DSN1: variants seen among roughly 807,000 people sequenced by gnomAD.
The protein encoded by DSN1 is kinetochore-associated protein DSN1 homolog.
Under a neutral mutation model 45.7 loss-of-function variants are expected in DSN1, and 31 were observed. The observed-to-expected ratio is 0.68, with a 90% confidence interval of 0.51 to 0.92. The LOEUF (loss-of-function observed/expected upper bound fraction) is 0.92. Among genes scored for constraint, DSN1 ranks in the 40% least tolerant of loss-of-function variants. The probability of loss-of-function intolerance (pLI) is 0.00; values close to 1 mark genes in which losing one functional copy is unlikely to be tolerated. For synonymous variants in DSN1, 134 were observed against 142.3 expected, an observed-to-expected ratio of 0.94 and a Z score of 0.41; for missense variants, 394 against 414.2, an observed-to-expected ratio of 0.95 and a Z score of 0.42.
At chr20:36,763,181 A>G (rs1026700885) in intron 5 of DSN1, among the ~76,000 whole-genome samples, 160 of 152,264 alleles carry the variant, frequency 1.1e-3, no homozygotes, top group East Asian at 4.1e-3. Flanking sequence ...AGGCAGGCAT[A>G]TCACTTGAGG....
At chr20:36,757,556 G>C (rs1986742451) in intron 8 of DSN1, among the ~76,000 whole-genome samples, 1 of 152,024 alleles carries the variant, frequency 6.6e-6, no homozygotes, top group African/African-American at 2.4e-5. Context: ...TGGCAACAGA[G>C]CGAGAGTCTG....
intron 10 of DSN1, 113 bp from the exon 11 acceptor site, chr20:36,753,010 AAG>A (rs1484700505): frequency 1.5e-5 from 12 of 824,716 alleles, no homozygotes; most frequent in African/African-American, 8.4e-5. Flanking sequence ...AAAGACAAAT[AAG>A]AGAGTCTCTG....
intron 6 of DSN1, among the ~76,000 whole-genome samples, chr20:36,761,423 A>G (rs1004950961): frequency 6.6e-6 from 1 of 152,166 alleles, no homozygotes; most frequent in African/African-American, 2.4e-5. Flanking sequence ...CCAGCATCTA[A>G]AAGAGCCTGG....
At position 36,764,320 on chromosome 20, in the gene DSN1, G is replaced by C. The variant is rs188106385; in HGVS notation, c.503-1772C>G. On this transcript the variant is annotated intron_variant, in intron 5 of 10. Transcript: ENST00000373750. ...CAGGTGAAGAACACTAAGGGGAAAG[G>C]CTATGTTAATTAGTTATCAGGATAA... Among the ~76,000 whole-genome samples, 540 of 152,226 alleles carry C rather than the reference G, an allele frequency of 3.5e-3. 5 individuals carry two copies. Among genetic ancestry groups the C allele is most frequent in the Non-Finnish European group, 3.2e-3 (220 of 68,006 alleles).
Position 36,754,829 on chromosome 20 carries a change from C to T in DSN1, c.895G>A (p.Val299Met), listed in dbSNP as rs756263224. 1 of 1,613,782 alleles carries T rather than the reference C, an allele frequency of 6.2e-7. No homozygotes were observed. Among genetic ancestry groups the T allele is most frequent in the Non-Finnish European group, 8.5e-7 (1 of 1,179,856 alleles). Residue 299 changes from valine to methionine, a missense_variant, in exon 10 of 11, where the codon GTG (valine) becomes ATG (methionine). Physicochemically the swap from Val to Met is conservative, Grantham distance 21. Coordinates refer to ENST00000373750, the MANE Select transcript of DSN1 (RefSeq NM_001145315.2). ...TCCATAAAGGCCTGCAGCTGTTTCA[C>T]TGATCCTTGCAGTTCATCCATCTGT... ...ELVMDELQGS[V>M]KQLQAFMDES...
rs1986404792 is a variant in DSN1 at position 36,751,971 on chromosome 20, T to C, written c.*817A>G. ...CAGGACATAGAGAATGAGTGGTATT[T>C]CCTTCAAATTGAACATCTTGTGAAG... On this transcript the variant is annotated 3_prime_UTR_variant, in exon 11 of 11. Transcript: ENST00000373750. 6.6e-6 allele frequency: 1 copy of C among 152,176 alleles called. No homozygotes were observed. The highest frequency in any genetic ancestry group is 2.1e-4 in the South Asian group (1 of 4,826). 9.4% of individuals were successfully genotyped at this position (152,176 alleles called of 1,614,324 possible).
chr20:36,767,404 T>C (rs1987404942), intron 4 of DSN1, among the ~76,000 whole-genome samples: 1 of 152,166 alleles, frequency 6.6e-6, no homozygotes, highest in Admixed American at 6.6e-5. Flanking sequence ...AAAGGTTATT[T>C]AATTCACACA....
chr20:36,768,271 G>A (rs1051337750), intron 3 of DSN1, among the ~76,000 whole-genome samples: 3 of 152,078 alleles, frequency 2.0e-5, no homozygotes, highest in Non-Finnish European at 2.9e-5. Flanking sequence ...TATTGGGCAG[G>A]TACGATGCTC....
chr20:36,765,247 TAAAAAAAAAAAAAAA>T (rs33998027), intron 5 of DSN1, among the ~76,000 whole-genome samples: 1 of 75,264 alleles, frequency 1.3e-5, no homozygotes, highest in African/African-American at 5.9e-5. Context: ...AGGCTTGTGT[TAAAAAAAAAAAAAAA>T]AAAAAAAAAA....
chr20:36,771,930 G>A (rs533502163), intron 1 of DSN1, among the ~76,000 whole-genome samples: 112 of 152,282 alleles, frequency 7.4e-4, no homozygotes, highest in African/African-American at 2.6e-3. Context: ...GCCCAGGCTG[G>A]AGTACAGTAG....
intron 3 of DSN1, among the ~76,000 whole-genome samples, chr20:36,769,249 A>G (rs1313794816): frequency 2.6e-5 from 4 of 152,204 alleles, no homozygotes. Flanking sequence ...TGAGAGCTAC[A>G]TGTCTTTTTG....
At chr20:36,765,917 G>A (rs1420181421) in intron 5 of DSN1, among the ~76,000 whole-genome samples, 2 of 150,880 alleles carry the variant, frequency 1.3e-5, no homozygotes, top group Non-Finnish European at 3.0e-5. Context: ...TCCAGGCCGG[G>A]CACAGTGGCT....
chr20:36,773,357 G>C, intron 1 of DSN1: 1 of 984,794 alleles, frequency 1.0e-6, no homozygotes. Context: ...GGGGGCACAG[G>C]GGCAATTCGA....
In DSN1 at chr20:36,771,462, A is replaced by G; in HGVS notation, c.-4T>C. 6.2e-7 allele frequency: 1 copy of G among 1,613,374 alleles called. No homozygotes were observed. The highest frequency in any genetic ancestry group is 8.5e-7 in the Non-Finnish European group (1 of 1,179,548). On this transcript the variant is annotated 5_prime_UTR_variant, in exon 2 of 11. Transcript: ENST00000373750. The stretch of plus-strand genomic sequence containing the variant: ...CTGATCTAGTCACTGAAGTCATCCT[A>G]GGTGGTAAACTCTGAAAATAGGAAA...
chr20:36,762,699 A>G (rs564158551), intron 5 of DSN1, 151 bp from the exon 6 acceptor site: 12 of 574,798 alleles, frequency 2.1e-5, no homozygotes, highest in Non-Finnish European at 3.3e-5. Flanking sequence ...TTAAGTATGT[A>G]GAAAGATTTT....
At chr20:36,767,255 C>T (rs1313040211) in intron 4 of DSN1, among the ~76,000 whole-genome samples, 2 of 151,752 alleles carry the variant, frequency 1.3e-5, no homozygotes, top group Non-Finnish European at 2.9e-5. Context: ...TGCAGTGAGC[C>T]GAGATTGTGC....
intron 10 of DSN1, among the ~76,000 whole-genome samples, 199 bp downstream of exon 10, chr20:36,754,564 G>C (rs904331822): frequency 6.6e-6 from 1 of 152,116 alleles, no homozygotes; most frequent in Non-Finnish European, 1.5e-5. Flanking sequence ...TCAGTCTACT[G>C]TGCTTCTGTA....
Position 36,758,101 on chromosome 20 carries a change from T to C in DSN1, c.711A>G (p.Lys237=). The change falls in exon 8 of 11, where the codon AAA becomes AAG. Residue 237 remains lysine, a synonymous_variant. Transcript: ENST00000373750. The stretch of plus-strand genomic sequence containing the variant: ...ATAGATCTAACCTGGACAATATCTC[T>C]TTAGCCTCCTGCTGGTAGTGAAGCA... ...QLLLHYQQEA[K]EILSRGSTEA... The C allele has an allele frequency of 1.2e-6, 2 of 1,614,026 alleles. No homozygotes were observed. The highest frequency in any genetic ancestry group is 1.1e-5 in the South Asian group (1 of 91,034).
intron 8 of DSN1, among the ~76,000 whole-genome samples, chr20:36,756,766 C>T (rs1213866934): frequency 6.6e-6 from 1 of 151,872 alleles, no homozygotes; most frequent in Non-Finnish European, 1.5e-5. Context: ...AGTCTGCTTC[C>T]AGAACCATTC....
Sources: gnomAD v4.1 joint callset for allele counts (sites outside exome capture counted in the v4.1 genomes callset) on GRCh38, gnomAD v4.1.1 for gene constraint, MANE v1.5 for transcripts, NCBI Gene and HGNC (gene_info 2026-07-23, HGNC 2026-07-21) for gene names.